RERE: variants seen among roughly 807,000 people sequenced by gnomAD.
The protein encoded by RERE is arginine-glutamic acid dipeptide repeats protein.
In RERE, 40 loss-of-function variants were observed where a neutral mutation model predicts 146.1. The ratio of observed to expected loss-of-function variants is 0.27; its 90% CI spans 0.21 to 0.36. The LOEUF is 0.36. Among genes scored for constraint, RERE ranks in the 10% least tolerant of loss-of-function variants. The probability of loss-of-function intolerance (pLI) is 1.00; values close to 1 mark genes in which losing one functional copy is unlikely to be tolerated. For synonymous variants in RERE, 1,003 were observed against 866.0 expected (o/e 1.16, Z -2.78); for missense variants, 1,933 against 2,138.7 (o/e 0.90, Z 1.90).
At chr1:8,804,427 C>T (rs74918616) in intron 1 of RERE, among the ~76,000 whole-genome samples, 7,328 of 152,212 alleles carry the variant, frequency 0.048, 246 homozygotes, top group Non-Finnish European at 0.071. Flanking sequence ...TGTGTTAATA[C>T]TACATTAGCC....
chr1:8,641,284 G>A (rs1363159898), intron 2 of RERE, among the ~76,000 whole-genome samples: 1 of 152,112 alleles, frequency 6.6e-6, no homozygotes, highest in African/African-American at 2.4e-5. Context: ...TTACAAAACT[G>A]ATAGAGTATA....
intron 9 of RERE, 75 bp from the exon 10 acceptor site, chr1:8,495,237 A>G (rs1367549483): frequency 2.7e-6 from 3 of 1,107,468 alleles, no homozygotes; most frequent in Non-Finnish European, 4.1e-6. Flanking sequence ...CAATTTTCAG[A>G]GGACATTTCC....
intron 12 of RERE, among the ~76,000 whole-genome samples, chr1:8,421,272 C>A (rs1035887469): frequency 6.6e-6 from 1 of 152,154 alleles, no homozygotes; most frequent in East Asian, 1.9e-4. Context: ...ACTTCCTACA[C>A]TCGGGCAAAG....
intron 12 of RERE, among the ~76,000 whole-genome samples, chr1:8,419,913 A>G (rs1389205200): frequency 6.6e-6 from 1 of 152,228 alleles, no homozygotes; most frequent in African/African-American, 2.4e-5. Flanking sequence ...ATGCAGAGAA[A>G]CACCATTTTA....
intron 4 of RERE, among the ~76,000 whole-genome samples, chr1:8,599,317 C>T (rs955402520): frequency 6.6e-6 from 1 of 152,218 alleles, no homozygotes; most frequent in Admixed American, 6.5e-5. Context: ...GCAAGGCCAA[C>T]TTCTTGTATA....
At chr1:8,628,684 T>C (rs1463727996) in intron 2 of RERE, among the ~76,000 whole-genome samples, 2 of 152,210 alleles carry the variant, frequency 1.3e-5, no homozygotes, top group African/African-American at 2.4e-5. Flanking sequence ...AAATAATTTA[T>C]ATAAATGTTT....
chr1:8,575,554 TA>T (rs1402968151), intron 4 of RERE, among the ~76,000 whole-genome samples: 1,538 of 83,470 alleles, frequency 0.018, 33 homozygotes, highest in African/African-American at 0.056. Context: ...TATATATATA[TA>T]TATATATTTT....
chr1:8,649,387 G>A (rs1481083048), intron 2 of RERE, among the ~76,000 whole-genome samples: 1 of 152,090 alleles, frequency 6.6e-6, no homozygotes, highest in Non-Finnish European at 1.5e-5. Context: ...TCATCAATGA[G>A]TCAATAATTT....
intron 6 of RERE, among the ~76,000 whole-genome samples, chr1:8,550,283 C>G (rs1645917728): frequency 6.6e-6 from 1 of 152,260 alleles, no homozygotes; most frequent in African/African-American, 2.4e-5. Flanking sequence ...AGCCCTTCAT[C>G]TACTAGTAGA....
At chr1:8,555,765 G>A (rs947323773) in intron 6 of RERE, among the ~76,000 whole-genome samples, 14 of 152,098 alleles carry the variant, frequency 9.2e-5, no homozygotes, top group African/African-American at 3.4e-4. Context: ...GAAAGAGACA[G>A]AAAATACCCA....
At chr1:8,753,416 T>G (rs768436431) in intron 1 of RERE, 16 of 152,156 alleles carry the variant, frequency 1.1e-4, no homozygotes, top group Non-Finnish European at 1.9e-4. Context: ...TTAAGGTAGG[T>G]TTTTAATCAC....
At chr1:8,488,232 A>G (rs1477205053) in intron 10 of RERE, among the ~76,000 whole-genome samples, 1 of 151,884 alleles carries the variant, frequency 6.6e-6, no homozygotes, top group African/African-American at 2.4e-5. Context: ...ATTCCATCAG[A>G]CTTTTTATTT....
rs183028648 is a variant in RERE, at chr1:8,760,646, C to T, written c.-145+56514G>A. On this transcript the variant is annotated intron_variant, in intron 1 of 22. Transcript: ENST00000400908. The stretch of plus-strand genomic sequence containing the variant: ...TTGTTGTGTTTTGAAGATAGGGTCT[C>T]GCTCTGTCACCCAGGATGGTTTCTT... 1.1e-3 allele frequency among the ~76,000 whole-genome samples: 161 copies of T among 152,228 alleles called. 1 individual carries two copies. The highest frequency in any genetic ancestry group is 1.7e-3 in the African/African-American group (70 of 41,530).
At chr1:8,362,874 C>T in intron 15 of RERE, 30 bp from the exon 16 acceptor site, 1 of 1,589,362 alleles carries the variant, frequency 6.3e-7, no homozygotes, top group Non-Finnish European at 8.6e-7. Context: ...ACTGGTGACA[C>T]CAGATTCCCA....
At chr1:8,796,141 C>CCA (rs61240245) in intron 1 of RERE, among the ~76,000 whole-genome samples, 2,747 of 152,140 alleles carry the variant, frequency 0.018, 100 homozygotes, top group African/African-American at 0.064. Context: ...CTGCCATAGG[C>CCA]CACCCAGATC....
At chr1:8,664,048 T>C (rs564818858) in intron 1 of RERE, among the ~76,000 whole-genome samples, 2 of 152,282 alleles carry the variant, frequency 1.3e-5, no homozygotes, top group South Asian at 4.1e-4. Flanking sequence ...TTATCAGTTG[T>C]TAACTTACAT....
At chr1:8,627,204 T>G (rs904394171) in intron 2 of RERE, among the ~76,000 whole-genome samples, 1 of 152,168 alleles carries the variant, frequency 6.6e-6, no homozygotes, top group Non-Finnish European at 1.5e-5. Flanking sequence ...TTACATTCCT[T>G]GTCAAGTTAT....
intron 1 of RERE, among the ~76,000 whole-genome samples, chr1:8,706,706 C>G (rs1159798651): frequency 6.6e-6 from 1 of 152,154 alleles, no homozygotes; most frequent in Non-Finnish European, 1.5e-5. Context: ...ACTTTATTTT[C>G]AGGTTTTTTT....
intron 4 of RERE, among the ~76,000 whole-genome samples, chr1:8,571,932 G>C (rs1454112159): frequency 6.6e-6 from 1 of 152,156 alleles, no homozygotes; most frequent in African/African-American, 2.4e-5. Context: ...TGTGACTGGA[G>C]CCACAATTCA....
Sources: gnomAD v4.1 joint callset for allele counts (sites outside exome capture counted in the v4.1 genomes callset) on GRCh38, gnomAD v4.1.1 for gene constraint, MANE v1.5 for transcripts, NCBI Gene and HGNC (gene_info 2026-07-23, HGNC 2026-07-21) for gene names.